Variants in FHIT observed in about 807,000 individuals in gnomAD.
FHIT encodes bis(5'-adenosyl)-triphosphatase.
A neutral mutation model predicts 17.9 loss-of-function variants in FHIT; 19 were observed. The observed-to-expected ratio is 1.06, with a 90% CI of 0.74 to 1.56. FHIT has a LOEUF of 1.56. Among genes scored for constraint, FHIT ranks in the 40% most tolerant of loss-of-function variants. The pLI, the probability that FHIT is intolerant of heterozygous loss-of-function variation, is 0.00. For missense variants in FHIT, 248 were observed against 189.2 expected (o/e 1.31, Z -1.82); for synonymous variants, 81 against 69.7 (o/e 1.16, Z -0.81).
intron 8 of FHIT, among the ~76,000 whole-genome samples, chr3:59,770,126 T>G (rs549477409): frequency 1.0e-3 from 154 of 152,300 alleles, no homozygotes; most frequent in African/African-American, 3.6e-3. Context: ...GAGGGCATGA[T>G]AAGTTCCCAC....
chr3:60,807,867 A>G (rs1701451580), intron 4 of FHIT, among the ~76,000 whole-genome samples: 1 of 152,218 alleles, frequency 6.6e-6, no homozygotes, highest in African/African-American at 2.4e-5. Flanking sequence ...AAAAAAGGAA[A>G]AAAGAGGCTA....
chr3:60,025,054 G>C (rs1167703430), intron 5 of FHIT, among the ~76,000 whole-genome samples: 2 of 152,272 alleles, frequency 1.3e-5, no homozygotes, highest in East Asian at 3.9e-4. Flanking sequence ...GGGGCAAAAA[G>C]GAAGAGAAGG....
chr3:60,508,369 T>A (rs2034818194), intron 5 of FHIT, among the ~76,000 whole-genome samples: 1 of 152,190 alleles, frequency 6.6e-6, no homozygotes, highest in Admixed American at 6.5e-5. Flanking sequence ...TGACTTAATT[T>A]ATCAATTAGG....
intron 5 of FHIT, among the ~76,000 whole-genome samples, chr3:60,383,095 T>A (rs1700872589): frequency 6.6e-6 from 1 of 152,196 alleles, no homozygotes; most frequent in South Asian, 2.1e-4. Context: ...TGAGTTACAT[T>A]ACTAAAATGA....
intron 5 of FHIT, among the ~76,000 whole-genome samples, chr3:60,420,910 G>A (rs1041247120): frequency 6.6e-6 from 1 of 151,742 alleles, no homozygotes; most frequent in Non-Finnish European, 1.5e-5. Flanking sequence ...ACCCCACATC[G>A]TATTACCATC....
At chr3:60,723,976 T>C (rs2041863467) in intron 4 of FHIT, among the ~76,000 whole-genome samples, 2 of 152,250 alleles carry the variant, frequency 1.3e-5, no homozygotes, top group African/African-American at 4.8e-5. Flanking sequence ...TTTGTTTTTA[T>C]AACAGCTTTT....
Position 60,569,539 on chromosome 3 carries a change from C to G in FHIT, c.-17-32560G>C, listed in dbSNP as rs548064914. ...GCAGGATCACCTTCATGTTTGAAGACACCAGGACGATATAGTAGAGGAGAA... is the reference window on the plus strand; with the variant it reads ...GCAGGATCACCTTCATGTTTGAAGAGACCAGGACGATATAGTAGAGGAGAA... On this transcript the variant is annotated intron_variant, in intron 4 of 9. Coordinates refer to ENST00000492590, the MANE Select transcript of FHIT (RefSeq NM_002012.4). Among the ~76,000 whole-genome samples the G allele has an allele frequency of 2.0e-5, 3 of 151,662 alleles. No individual in the cohort carries two copies. The East Asian group carries it at 5.9e-4, about 30-fold the overall frequency.
intron 5 of FHIT, among the ~76,000 whole-genome samples, chr3:60,367,177 G>T (rs1354616693): frequency 6.6e-6 from 1 of 152,152 alleles, no homozygotes; most frequent in African/African-American, 2.4e-5. Flanking sequence ...ATTCTCAGAG[G>T]ATCAGTGTTT....
At chr3:59,822,686 G>T (rs763594524) in intron 8 of FHIT, among the ~76,000 whole-genome samples, 1 of 152,006 alleles carries the variant, frequency 6.6e-6, no homozygotes, top group Non-Finnish European at 1.5e-5. Flanking sequence ...GTTCCTTATA[G>T]ATTCTGGATG....
At position 60,864,117 on chromosome 3, in the gene FHIT, T is replaced by G. The variant is rs114481350; in HGVS notation, c.-110-42106A>C. ...AATTGCCCTTTATAAAACCATCAGA[T>G]CTCATGAGACTTAATCACGAGAACA... On this transcript the variant is annotated intron_variant, in intron 3 of 9. Transcript: ENST00000492590. Among the ~76,000 whole-genome samples the G allele has an allele frequency of 8.3e-3, 1,265 of 151,878 alleles. 9 individuals are homozygous for G. Among genetic ancestry groups the G allele is most frequent in the Non-Finnish European group, 0.014 (933 of 67,934 alleles).
intron 5 of FHIT, among the ~76,000 whole-genome samples, chr3:60,016,699 G>T (rs999563255): frequency 1.5e-4 from 23 of 152,182 alleles, no homozygotes; most frequent in African/African-American, 5.5e-4. Context: ...ATCTAATTCT[G>T]CCTCAGGGTG....
intron 3 of FHIT, among the ~76,000 whole-genome samples, chr3:60,913,035 G>C (rs1313772050): frequency 6.6e-6 from 1 of 152,224 alleles, no homozygotes; most frequent in African/African-American, 2.4e-5. Context: ...TGCAGAGCCT[G>C]TTTCACAATG....
At chr3:60,326,679 C>A (rs147545936) in intron 5 of FHIT, among the ~76,000 whole-genome samples, 217 of 152,192 alleles carry the variant, frequency 1.4e-3, no homozygotes, top group Non-Finnish European at 2.7e-3. Context: ...TTACTGTGTA[C>A]GATATTTAAA....
intron 4 of FHIT, chr3:60,732,340 T>C (rs2042047282): frequency 1.1e-6 from 1 of 907,378 alleles, no homozygotes; most frequent in East Asian, 2.4e-5. Flanking sequence ...GCATTTGCCA[T>C]GGGCAAGATG....
chr3:59,836,262 G>A (rs898995658), intron 8 of FHIT, among the ~76,000 whole-genome samples: 5 of 152,146 alleles, frequency 3.3e-5, no homozygotes, highest in East Asian at 1.9e-4. Flanking sequence ...TCCTTTGCAC[G>A]ATTCCATACT....
intron 5 of FHIT, among the ~76,000 whole-genome samples, chr3:60,482,181 T>A (rs2107477039): frequency 6.6e-6 from 1 of 152,224 alleles, no homozygotes; most frequent in African/African-American, 2.4e-5. Context: ...TAAAACAAGT[T>A]CTTACAGACC....
intron 2 of FHIT, among the ~76,000 whole-genome samples, chr3:61,128,750 C>CTGT (rs1162378992): frequency 1.6e-4 from 25 of 151,674 alleles, no homozygotes; most frequent in Non-Finnish European, 3.4e-4. Flanking sequence ...AAGGGAAACA[C>CTGT]TTATCTTGTG....
At chr3:59,932,026 T>C in intron 7 of FHIT, among the ~76,000 whole-genome samples, 1 of 152,158 alleles carries the variant, frequency 6.6e-6, no homozygotes, top group Non-Finnish European at 1.5e-5. Context: ...GTCACTGAAC[T>C]CTGAGAGCCT....
chr3:60,176,672 C>A (rs1488347328), intron 5 of FHIT, among the ~76,000 whole-genome samples: 1 of 152,114 alleles, frequency 6.6e-6, no homozygotes, highest in African/African-American at 2.4e-5. Flanking sequence ...TGAAATGTCC[C>A]AAAGACTTGG....
Sources: allele counts gnomAD v4.1 joint callset (sites outside exome capture counted in the v4.1 genomes callset), GRCh38; gene constraint gnomAD v4.1.1; transcripts MANE v1.5; gene names NCBI Gene and HGNC (gene_info 2026-07-23, HGNC 2026-07-21).